Variants in C1orf146 observed in about 807,000 individuals in gnomAD.
The protein encoded by C1orf146 is chromosome 1 open reading frame 146, also known as protein SPO16 homolog.
A neutral mutation model predicts 23.0 loss-of-function variants in C1orf146; 22 were observed. The observed-to-expected ratio is 0.96, with a 90% CI of 0.68 to 1.36. The LOEUF is 1.36. C1orf146 is among the 40% of genes most tolerant of loss of function. The pLI, the probability that C1orf146 is intolerant of heterozygous loss-of-function variation, is 0.00. For missense variants in C1orf146, 199 were observed against 206.8 expected (o/e 0.96, Z 0.23); for synonymous variants, 59 against 65.3 (o/e 0.90, Z 0.47).
chr1:92,238,351 T>G (rs1025622655), intron 2 of C1orf146, among the ~76,000 whole-genome samples: 2 of 152,104 alleles, frequency 1.3e-5, no homozygotes, highest in African/African-American at 4.8e-5. Flanking sequence ...TTTGTTTTGG[T>G]TTGGTTTTCT....
At chr1:92,231,042 CTCTGAG>C (rs1400847080) in intron 1 of C1orf146, among the ~76,000 whole-genome samples, 2 of 152,176 alleles carry the variant, frequency 1.3e-5, no homozygotes, top group Non-Finnish European at 2.9e-5. Context: ...TGTCCTTTGT[CTCTGAG>C]TCTGTCTTTT....
At chr1:92,241,113 CTATT>C (rs200120379) in intron 2 of C1orf146, among the ~76,000 whole-genome samples, 1,654 of 151,920 alleles carry the variant, frequency 0.011, 27 homozygotes, top group African/African-American at 0.037. Context: ...GTTCTGTCAA[CTATT>C]TAAGAAATAT....
intron 1 of C1orf146, among the ~76,000 whole-genome samples, chr1:92,224,456 A>G (rs1388806530): frequency 6.6e-6 from 1 of 152,160 alleles, no homozygotes; most frequent in African/African-American, 2.4e-5. Flanking sequence ...CAGGGTCACA[A>G]TTATTATGTC....
At chr1:92,235,793 C>T (rs1262907388) in intron 2 of C1orf146, among the ~76,000 whole-genome samples, 1 of 152,106 alleles carries the variant, frequency 6.6e-6, no homozygotes, top group Non-Finnish European at 1.5e-5. Flanking sequence ...TCTGGATGCT[C>T]CTGTATTGGG....
At chr1:92,221,655 T>A (rs1176624661) in intron 1 of C1orf146, among the ~76,000 whole-genome samples, 4 of 152,212 alleles carry the variant, frequency 2.6e-5, no homozygotes, top group Non-Finnish European at 5.9e-5. Context: ...CCTTTTTCAG[T>A]GAATATCAAA....
At chr1:92,225,502 A>G (rs940947170) in intron 1 of C1orf146, among the ~76,000 whole-genome samples, 5 of 152,198 alleles carry the variant, frequency 3.3e-5, no homozygotes, top group Admixed American at 6.5e-5. Flanking sequence ...CACTCATTTC[A>G]AAATATTGCC....
intron 2 of C1orf146, among the ~76,000 whole-genome samples, chr1:92,239,998 G>A (rs1652391328): frequency 6.6e-6 from 1 of 152,194 alleles, no homozygotes; most frequent in African/African-American, 2.4e-5. Context: ...ATCTGGCTAT[G>A]AGAGAATTGA....
intron 1 of C1orf146, among the ~76,000 whole-genome samples, chr1:92,219,192 T>C (rs1570781579): frequency 6.6e-6 from 1 of 152,132 alleles, no homozygotes; most frequent in Non-Finnish European, 1.5e-5. Flanking sequence ...TAAGTATGTG[T>C]AGGGGGGGTT....
intron 1 of C1orf146, among the ~76,000 whole-genome samples, chr1:92,230,871 A>G (rs377243262): frequency 2.7e-4 from 41 of 152,276 alleles, no homozygotes; most frequent in African/African-American, 9.9e-4. Flanking sequence ...TACAAGATTC[A>G]GGTTTCCTAA....
chr1:92,229,253 G>T, intron 1 of C1orf146: 1 of 557,050 alleles, frequency 1.8e-6, no homozygotes, highest in South Asian at 1.4e-5. Context: ...ACAGCACTGT[G>T]TTGGCGTACA....
chr1:92,219,521 T>TTTTA (rs1553129352), intron 1 of C1orf146, among the ~76,000 whole-genome samples: 1,459 of 141,784 alleles, frequency 0.01, 20 homozygotes, highest in African/African-American at 0.03. Flanking sequence ...TTTTTTTTTT[T>TTTTA]AAGACAGAGT....
chr1:92,233,006 T>C (rs1652172010), intron 2 of C1orf146, among the ~76,000 whole-genome samples: 1 of 152,032 alleles, frequency 6.6e-6, no homozygotes, highest in Non-Finnish European at 1.5e-5. Context: ...ATTCTGGATA[T>C]TAGCCCTTTG....
At chr1:92,240,453 T>G (rs1481428669) in intron 2 of C1orf146, among the ~76,000 whole-genome samples, 1 of 152,238 alleles carries the variant, frequency 6.6e-6, no homozygotes, top group Admixed American at 6.5e-5. Flanking sequence ...AAGCATTATA[T>G]AATTTTAAAA....
intron 2 of C1orf146, among the ~76,000 whole-genome samples, chr1:92,239,594 A>T (rs1570797172): frequency 6.6e-6 from 1 of 152,100 alleles, no homozygotes; most frequent in Admixed American, 6.5e-5. Context: ...TCTACCAAAA[A>T]TACAAAAATT....
intron 1 of C1orf146, among the ~76,000 whole-genome samples, chr1:92,224,562 C>A (rs551628146): frequency 1.3e-5 from 2 of 152,162 alleles, no homozygotes; most frequent in African/African-American, 4.8e-5. Flanking sequence ...GGAATGGATC[C>A]GAGTTCATTT....
rs146597980 is a variant in C1orf146, at chr1:92,241,187, C to CTTATTATTATTA, written c.67-995_67-984dup. Among the ~76,000 whole-genome samples the CTTATTATTATTA allele has an allele frequency of 1.4e-3, 200 of 142,680 alleles. 2 individuals carry two copies. The highest frequency in any genetic ancestry group is 4.5e-3 in the African/African-American group (173 of 38,872). 93.6% of individuals were successfully genotyped at this position (142,680 alleles called of 152,430 possible). A position where few individuals can be genotyped will look rare whatever the true frequency, so the allele number is the denominator to read the frequency against. ...CATGTCAGAATCCATCTCCAAGTTG[C>CTTATTATTATTA]TTATTATTATTATTATTATTATTAT... On this transcript the variant is annotated intron_variant, in intron 2 of 5. Transcript: ENST00000370375.
rs1208730811 is a variant in C1orf146, at chr1:92,224,396, CT to C, written c.-40+6352del. Among the ~76,000 whole-genome samples, 4 of 152,066 alleles carry C rather than the reference CT, an allele frequency of 2.6e-5. No individual in the cohort carries two copies. In the East Asian group the frequency reaches 7.7e-4, roughly 29 times the overall value. ...TAAGTCCAGTTTATCAATTTGTTTT[CT>C]TTTATGGATTGTGTTTCTGGTGTCA... On this transcript the variant is annotated intron_variant, in intron 1 of 5. Coordinates refer to ENST00000370375, the MANE Select transcript of C1orf146 (RefSeq NM_001012425.2).
intron 2 of C1orf146, among the ~76,000 whole-genome samples, chr1:92,239,182 G>A (rs897365354): frequency 6.6e-5 from 10 of 152,168 alleles, no homozygotes; most frequent in African/African-American, 2.4e-4. Flanking sequence ...TAAACAGGCT[G>A]TTTTAAGGTG....
intron 1 of C1orf146, among the ~76,000 whole-genome samples, chr1:92,230,183 G>T (rs994312300): frequency 6.6e-6 from 1 of 151,970 alleles, no homozygotes; most frequent in African/African-American, 2.4e-5. Context: ...GCAGATATTG[G>T]CCAGGTGCAG....
Sources: gnomAD v4.1 joint callset for allele counts (sites outside exome capture counted in the v4.1 genomes callset) on GRCh38, gnomAD v4.1.1 for gene constraint, MANE v1.5 for transcripts, NCBI Gene and HGNC (gene_info 2026-07-23, HGNC 2026-07-21) for gene names.